The following TGFB3 variants were observed in gnomAD, a reference collection of about 807,000 sequenced individuals.
TGFB3 encodes transforming growth factor beta-3 proprotein.
In TGFB3, 5 loss-of-function variants were observed where a neutral mutation model predicts 40.1. The observed-to-expected ratio is 0.12, with a 90% CI of 0.07 to 0.26. The LOEUF is 0.26. Among genes scored for constraint, TGFB3 ranks in the 10% least tolerant of loss-of-function variants. The probability of loss-of-function intolerance (pLI) is 1.00; values close to 1 mark genes in which losing one functional copy is unlikely to be tolerated. For missense variants in TGFB3, 373 were observed against 530.1 expected (o/e 0.70, Z 2.91); for synonymous variants, 184 against 205.6 (o/e 0.89, Z 0.90).
Position 75,980,168 on chromosome 14 carries a change from G to A in TGFB3, c.352+374C>T, listed in dbSNP as rs756473057. On this transcript the variant is annotated intron_variant, in intron 1 of 6. Coordinates refer to ENST00000238682, the MANE Select transcript of TGFB3 (RefSeq NM_003239.5). The surrounding 1 kb of genome is among the most constrained non-coding windows in gnomAD (Gnocchi z 4.3). ...AACCGTAAGGGCTCCTGACAGAGCC[G>A]GCCTTCCCCTTTATGGCACCCAGAT... is the stretch of plus-strand genomic sequence containing the variant. Among the ~76,000 whole-genome samples, 38 of 152,156 alleles carry A rather than the reference G, an allele frequency of 2.5e-4. No homozygotes were observed. In the East Asian group the frequency reaches 2.5e-3, roughly 10 times the overall value.
chr14:75,963,723 GC>G (rs2035187977), intron 4 of TGFB3, among the ~76,000 whole-genome samples: 1 of 152,184 alleles, frequency 6.6e-6, no homozygotes, highest in Non-Finnish European at 1.5e-5. Flanking sequence ...ACTGAAAGAT[GC>G]CCCGTGTTCA....
intron 6 of TGFB3, among the ~76,000 whole-genome samples, chr14:75,960,590 A>G (rs1242772685): frequency 6.6e-6 from 1 of 152,234 alleles, no homozygotes; most frequent in Non-Finnish European, 1.5e-5. Flanking sequence ...GAGTTCTGAT[A>G]GAAGCCTTTC....
At chr14:75,964,956 GAAC>G (rs1472813974) in intron 4 of TGFB3, among the ~76,000 whole-genome samples, 1 of 152,242 alleles carries the variant, frequency 6.6e-6, no homozygotes, top group Admixed American at 6.5e-5. Context: ...AAGGAAAAGA[GAAC>G]TTCCCTGAAC....
At chr14:75,982,556 C>A (rs772819434), upstream of TGFB3, among the ~76,000 whole-genome samples, 9 of 152,190 alleles carry the variant, frequency 5.9e-5, no homozygotes, top group Non-Finnish European at 1.2e-4. This position sits in a 1 kb window ranked among gnomAD's most constrained non-coding sequence, Gnocchi z 4.0. Flanking sequence ...AGCCTGGAGA[C>A]GCTCCAGGGG....
Position 75,981,072 on chromosome 14 carries a change from CT to C in TGFB3, c.-180del. On this transcript the variant is annotated 5_prime_UTR_variant, in exon 1 of 7. It removes the in-frame stop codon of an upstream open reading frame in the 5' UTR. Coordinates refer to ENST00000238682, the MANE Select transcript of TGFB3 (RefSeq NM_003239.5). The surrounding 1 kb of genome is among the most constrained non-coding windows in gnomAD (Gnocchi z 4.7). Reference sequence around the variant, plus strand: ...AGAGCTTCAGGACTTCCAGGAAGCGCTGGCAACCCTGAGGACGAAGAAGCGG... The same window carrying C: ...AGAGCTTCAGGACTTCCAGGAAGCGCGGCAACCCTGAGGACGAAGAAGCGG... 1 of 651,028 alleles carries C rather than the reference CT, an allele frequency of 1.5e-6. No homozygotes were observed. The highest frequency in any genetic ancestry group is 2.7e-6 in the Non-Finnish European group (1 of 363,814). The allele number at this position is 651,028 out of a possible 1,614,324, so 40.3% of individuals were successfully genotyped here.
At chr14:75,970,772 T>G in intron 3 of TGFB3, 2 of 347,858 alleles carry the variant, frequency 5.7e-6, no homozygotes, top group South Asian at 4.5e-5. Context: ...TTGCCTTTGC[T>G]TAGCACATCC....
chr14:75,980,914 C>T lies in TGFB3; in HGVS notation c.-21G>A. On this transcript the variant is annotated 5_prime_UTR_variant, in exon 1 of 7. Transcript: ENST00000238682. This position sits in a 1 kb window ranked among gnomAD's most constrained non-coding sequence, Gnocchi z 4.3. ...TTCATGTGTGAGCTGGGAAGAGAGG[C>T]CAGGGGGACGGCAAGGCCTGGAGAG... The T allele has an allele frequency of 6.2e-7, 1 of 1,610,860 alleles. No homozygotes were observed. Among genetic ancestry groups the T allele is most frequent in the African/African-American group, 1.3e-5 (1 of 74,972 alleles).
At chr14:75,977,107 CAG>C (rs1052352476) in intron 1 of TGFB3, among the ~76,000 whole-genome samples, 4 of 151,642 alleles carry the variant, frequency 2.6e-5, no homozygotes, top group African/African-American at 9.7e-5. Flanking sequence ...GAATAATTCT[CAG>C]AATAAACAAA....
chr14:75,980,806 A>T lies in TGFB3; in HGVS notation c.88T>A (p.Leu30Met). 1 of 1,614,162 alleles carries T rather than the reference A, an allele frequency of 6.2e-7. No individual in the cohort carries two copies. The highest frequency in any genetic ancestry group is 8.5e-7 in the Non-Finnish European group (1 of 1,180,022). Reference protein sequence around the residue: ...VSLSLSTCTTLDFGHIKKKRV... With the variant: ...VSLSLSTCTTMDFGHIKKKRV... ...TTCTTCTTGATGTGGCCGAAGTCCA[A>T]GGTGGTGCAAGTGGACAGAGAGAGG... is the stretch of plus-strand genomic sequence containing the variant. The change falls in exon 1 of 7, where the codon TTG (leucine) becomes ATG (methionine). Residue 30 changes from leucine (L) to methionine (M), a missense_variant. Leu to Met is a conservative substitution (Grantham distance 15, BLOSUM62 2). Transcript: ENST00000238682. This position sits in a 1 kb window ranked among gnomAD's most constrained non-coding sequence, Gnocchi z 4.3.
intron 3 of TGFB3, among the ~76,000 whole-genome samples, chr14:75,969,378 C>T (rs1399691867): frequency 6.6e-6 from 1 of 152,184 alleles, no homozygotes; most frequent in Non-Finnish European, 1.5e-5. Context: ...TCAGACCAGG[C>T]AGTACCAGCC....
At chr14:75,982,879 A>C (rs1489379978), upstream of TGFB3, 1 of 152,378 alleles carries the variant, frequency 6.6e-6, no homozygotes, top group Non-Finnish European at 1.5e-5. This position sits in a 1 kb window ranked among gnomAD's most constrained non-coding sequence, Gnocchi z 4.0. Flanking sequence ...AGGTCTCCGC[A>C]GGGAGCTGCG....
chr14:75,975,474 A>C (rs1206712994), intron 1 of TGFB3, among the ~76,000 whole-genome samples: 1 of 152,250 alleles, frequency 6.6e-6, no homozygotes, highest in Non-Finnish European at 1.5e-5. Flanking sequence ...TGATGTTTTA[A>C]GTAATCTGTG....
At chr14:75,959,389 AG>A (rs776081409) in intron 6 of TGFB3, 44 bp from the exon 7 acceptor site, 137 of 1,611,850 alleles carry the variant, frequency 8.5e-5, no homozygotes, top group Non-Finnish European at 1.1e-4. Flanking sequence ...GCCAAGTCTC[AG>A]GCCTGGAACC....
Position 75,961,080 on chromosome 14 carries a change from C to T in TGFB3, c.927-4G>A, listed in dbSNP as rs201637508. 3.2e-5 allele frequency: 51 copies of T among 1,614,080 alleles called. No homozygotes were observed. The highest frequency in any genetic ancestry group is 4.2e-5 in the Non-Finnish European group (49 of 1,179,990). On this transcript the variant is annotated splice_polypyrimidine_tract_variant and splice_region_variant and intron_variant, in intron 5 of 6. Coordinates refer to ENST00000238682, the MANE Select transcript of TGFB3 (RefSeq NM_003239.5). ...ACAGCAGTTCTCCTCCAAGTTGCTA[C>T]AACAAAAAACATTTATAGAAAATCA... is the stretch of plus-strand genomic sequence containing the variant.
rs2035428655 is a variant in TGFB3 at position 75,981,283 on chromosome 14, T to C, written c.-390A>G. On this transcript the variant is annotated 5_prime_UTR_variant, in exon 1 of 7. Transcript: ENST00000238682. The surrounding 1 kb of genome is among the most constrained non-coding windows in gnomAD (Gnocchi z 4.7). Reference sequence around the variant, plus strand: ...AATAAATAGAGTGGATATCTGATATTGCCAAACGCCGCTTGGCGATGGGGA... The same window carrying C: ...AATAAATAGAGTGGATATCTGATATCGCCAAACGCCGCTTGGCGATGGGGA... The C allele has an allele frequency of 7.5e-6, 2 of 267,104 alleles. No individual in the cohort carries two copies. The highest frequency in any genetic ancestry group is 1.5e-5 in the Non-Finnish European group (2 of 137,020). 16.5% of individuals were successfully genotyped at this position (267,104 alleles called of 1,614,324 possible).
chr14:75,982,155 G>C (rs2035443800), upstream of TGFB3, among the ~76,000 whole-genome samples: 1 of 152,208 alleles, frequency 6.6e-6, no homozygotes, highest in Non-Finnish European at 1.5e-5. The surrounding 1 kb of genome is among the most constrained non-coding windows in gnomAD (Gnocchi z 4.0). Context: ...AAAATACTTT[G>C]CGAGTCCTCT....
In TGFB3 at chr14:75,974,701, G is replaced by A. The variant is rs1199100338; in HGVS notation, c.353-2983C>T. 4.1e-5 allele frequency among the ~76,000 whole-genome samples: 6 copies of A among 147,844 alleles called. No homozygotes were observed. In the East Asian group the frequency reaches 6.1e-4, roughly 15 times the overall value. On this transcript the variant is annotated intron_variant, in intron 1 of 6. Coordinates refer to ENST00000238682, the MANE Select transcript of TGFB3 (RefSeq NM_003239.5). The stretch of plus-strand genomic sequence containing the variant: ...AGTCACTTGAACCTGGGAGGTCGAG[G>A]TTGCAGTGAGCTGAGATTGTGTCAC...
In TGFB3 at chr14:75,959,064, C is replaced by G. The variant is rs2035120500; in HGVS notation, c.*123G>C. ...AGGAAACCTCCATCTCAGCCATTTGCCCGGAGCCGAAGGTTGTGGGCTCCA... is the reference window on the plus strand; with the variant it reads ...AGGAAACCTCCATCTCAGCCATTTGGCCGGAGCCGAAGGTTGTGGGCTCCA... On this transcript the variant is annotated 3_prime_UTR_variant, in exon 7 of 7. Transcript: ENST00000238682. 2 of 1,224,308 alleles carry G rather than the reference C, an allele frequency of 1.6e-6. No homozygotes were observed. Among genetic ancestry groups the G allele is most frequent in the Non-Finnish European group, 2.4e-6 (2 of 833,490 alleles). 75.8% of individuals were successfully genotyped at this position (1,224,308 alleles called of 1,614,324 possible). A position where few individuals can be genotyped will look rare whatever the true frequency, so the allele number is the denominator to read the frequency against.
intron 3 of TGFB3, among the ~76,000 whole-genome samples, chr14:75,969,953 C>T (rs572896457): frequency 2.6e-5 from 4 of 152,316 alleles, no homozygotes; most frequent in South Asian, 4.1e-4. Context: ...TCTGGGCTGC[C>T]GCCGTGGCTC....
Sources: gnomAD v4.1 joint callset for allele counts (sites outside exome capture counted in the v4.1 genomes callset) on GRCh38, gnomAD v4.1.1 for gene constraint, Gnocchi (gnomAD v3.1) non-coding constraint, MANE v1.5 for transcripts, NCBI Gene and HGNC (gene_info 2026-07-23, HGNC 2026-07-21) for gene names.